The following FANCC variants were observed in gnomAD, a reference collection of about 807,000 sequenced individuals.
The protein encoded by FANCC is FA complementation group C.
FANCC carries 55 observed loss-of-function variants against 71.3 expected under a neutral mutation model. The observed-to-expected ratio is 0.77, with a 90% confidence interval of 0.62 to 0.97. The LOEUF (loss-of-function observed/expected upper bound fraction) is 0.97. Ranked by LOEUF, FANCC falls within the 50% of genes least tolerant of loss-of-function variation. The pLI, the probability that FANCC is intolerant of heterozygous loss-of-function variation, is 0.00. For synonymous variants in FANCC, 275 were observed against 244.9 expected, an observed-to-expected ratio of 1.12 and a Z score of -1.15; for missense variants, 678 against 670.9, an observed-to-expected ratio of 1.01 and a Z score of -0.12.
chr9:95,106,119 T>A (rs2071428399), intron 14 of FANCC, among the ~76,000 whole-genome samples: 1 of 152,216 alleles, frequency 6.6e-6, no homozygotes, highest in Admixed American at 6.5e-5. Context: ...CCACGCATCC[T>A]CACGGGCGTT....
chr9:95,261,390 C>G (rs568447801), intron 1 of FANCC, among the ~76,000 whole-genome samples: 1 of 152,272 alleles, frequency 6.6e-6, no homozygotes, highest in Non-Finnish European at 1.5e-5. Context: ...TACCTAAATT[C>G]ATTTCATTAC....
chr9:95,141,999 T>TC (rs1828804736), intron 7 of FANCC, among the ~76,000 whole-genome samples: 1 of 143,106 alleles, frequency 7.0e-6, no homozygotes, highest in Non-Finnish European at 1.5e-5. Flanking sequence ...TTTTTTTTTT[T>TC]TTTTTTTTTT....
At chr9:95,233,093 G>A (rs1830107782) in intron 4 of FANCC, among the ~76,000 whole-genome samples, 1 of 152,034 alleles carries the variant, frequency 6.6e-6, no homozygotes, top group South Asian at 2.1e-4. Context: ...ATGCACAGCT[G>A]GGAAATTCAG....
chr9:95,300,009 A>T (rs1834621550), intron 1 of FANCC, among the ~76,000 whole-genome samples: 1 of 152,222 alleles, frequency 6.6e-6, no homozygotes, highest in African/African-American at 2.4e-5. Flanking sequence ...TCCCAGAAGT[A>T]GGGACTTTAT....
intron 10 of FANCC, 68 bp downstream of exon 10, chr9:95,125,018 T>C: frequency 2.2e-6 from 3 of 1,370,294 alleles, no homozygotes; most frequent in Admixed American, 1.7e-5. Flanking sequence ...AAAGTGCTCT[T>C]GTCCAAAATA....
chr9:95,239,717 C>T (rs1830524313), intron 4 of FANCC, among the ~76,000 whole-genome samples: 1 of 152,146 alleles, frequency 6.6e-6, no homozygotes, highest in African/African-American at 2.4e-5. Context: ...CCCTCTCACT[C>T]CCTTCTATCT....
At chr9:95,162,701 C>T (rs1830823018) in intron 6 of FANCC, among the ~76,000 whole-genome samples, 1 of 152,154 alleles carries the variant, frequency 6.6e-6, no homozygotes, top group Admixed American at 6.5e-5. Context: ...TATCATGTCC[C>T]TGATAACTGG....
intron 7 of FANCC, among the ~76,000 whole-genome samples, chr9:95,147,933 C>T (rs1829779684): frequency 6.6e-6 from 1 of 152,160 alleles, no homozygotes; most frequent in African/African-American, 2.4e-5. Flanking sequence ...TGGCCACACA[C>T]CCAAGTGGTA....
At chr9:95,110,335 G>A (rs1259353510) in intron 13 of FANCC, 3 of 1,017,352 alleles carry the variant, frequency 2.9e-6, no homozygotes, top group East Asian at 6.7e-5. Flanking sequence ...AGCTTATTCA[G>A]AATCAAATAA....
intron 6 of FANCC, among the ~76,000 whole-genome samples, chr9:95,158,123 A>T (rs987083106): frequency 1.6e-4 from 24 of 152,164 alleles, no homozygotes; most frequent in African/African-American, 5.8e-4. Flanking sequence ...CTACCTTTCA[A>T]TTGCACAAAC....
At chr9:95,188,140 C>T (rs902767676) in intron 4 of FANCC, among the ~76,000 whole-genome samples, 15 of 152,178 alleles carry the variant, frequency 9.9e-5, no homozygotes, top group Admixed American at 2.6e-4. Context: ...AGAAAGAGGT[C>T]TTTAATGTCT....
Position 95,114,705 on chromosome 9 carries a change from G to C in FANCC, c.1078C>G (p.Pro360Ala). ...AGTGTCTGGAGCCAGTGTCCCCGAG[G>C]GATATCTGCGGGTGGAGAGAGATAC... ...MVLLQDPQDI[P>A]RGHWLQTLKH... Residue 360 changes from proline (P) to alanine (A), a missense_variant, in exon 12 of 15, where the codon CCT (proline) becomes GCT (alanine). Pro to Ala is a conservative substitution (Grantham distance 27). Transcript: ENST00000289081. The C allele has an allele frequency of 6.2e-7, 1 of 1,614,096 alleles. No homozygotes were observed.
At chr9:95,246,411 G>A (rs890522496) in intron 3 of FANCC, among the ~76,000 whole-genome samples, 1 of 152,196 alleles carries the variant, frequency 6.6e-6, no homozygotes, top group Admixed American at 6.5e-5. Flanking sequence ...GAAACTGCAT[G>A]ATTCTTTAAA....
At position 95,135,377 on chromosome 9, in the gene FANCC, C is replaced by A. The variant is rs1344154616; in HGVS notation, c.812G>T (p.Arg271Met). ...LISSERNCLR[R>M]IECFIKDSSL... ...TGAATCTTTTATAAAGCATTCGATCCTTCTCAGACAATTTCTCTCACTGGA... is the reference window on the plus strand; with the variant it reads ...TGAATCTTTTATAAAGCATTCGATCATTCTCAGACAATTTCTCTCACTGGA... Residue 271 changes from arginine to methionine, a missense_variant, in exon 8 of 15, where the codon AGG (arginine) becomes ATG (methionine). By Grantham distance (91) the Arg-to-Met change is moderately conservative. Coordinates refer to ENST00000289081, the MANE Select transcript of FANCC (RefSeq NM_000136.3). The A allele has an allele frequency of 6.2e-7, 1 of 1,614,092 alleles. No individual in the cohort carries two copies. Among genetic ancestry groups the A allele is most frequent in the Non-Finnish European group, 8.5e-7 (1 of 1,180,030 alleles).
chr9:95,298,776 T>A (rs1415553985), intron 1 of FANCC, among the ~76,000 whole-genome samples: 1 of 152,200 alleles, frequency 6.6e-6, no homozygotes, highest in Non-Finnish European at 1.5e-5. Context: ...CAAAACCAAC[T>A]GGCAAAATCA....
intron 1 of FANCC, among the ~76,000 whole-genome samples, chr9:95,295,358 A>G (rs1352868672): frequency 6.6e-6 from 1 of 151,444 alleles, no homozygotes; most frequent in East Asian, 1.9e-4. Flanking sequence ...AACAAAACAA[A>G]AAACAAAACA....
At chr9:95,255,023 T>A (rs1296546805) in intron 1 of FANCC, among the ~76,000 whole-genome samples, 1 of 152,148 alleles carries the variant, frequency 6.6e-6, no homozygotes, top group Admixed American at 6.5e-5. Flanking sequence ...CTTTCTGGGC[T>A]GGGCATCTCT....
rs988267627 is a variant in FANCC at position 95,259,120 on chromosome 9, G to T, written c.-78-9751C>A. On this transcript the variant is annotated intron_variant, in intron 1 of 14. Coordinates refer to ENST00000289081, the MANE Select transcript of FANCC (RefSeq NM_000136.3). ...CATGAAAATGGTCATACTGCCCAAAGTAATTTATAGATTCAGTGCTATCCC... is the reference window on the plus strand; with the variant it reads ...CATGAAAATGGTCATACTGCCCAAATTAATTTATAGATTCAGTGCTATCCC... Among the ~76,000 whole-genome samples the T allele has an allele frequency of 2.6e-5, 4 of 152,288 alleles. No individual in the cohort carries two copies. In the East Asian group the frequency reaches 7.7e-4, roughly 29 times the overall value.
chr9:95,225,214 G>C (rs1181698246), intron 4 of FANCC, among the ~76,000 whole-genome samples: 1 of 152,158 alleles, frequency 6.6e-6, no homozygotes, highest in Admixed American at 6.5e-5. Flanking sequence ...GCCACGTGTA[G>C]TGCAGACATC....
Sources: gnomAD v4.1 joint callset for allele counts (sites outside exome capture counted in the v4.1 genomes callset) on GRCh38, gnomAD v4.1.1 for gene constraint, MANE v1.5 for transcripts, NCBI Gene and HGNC (gene_info 2026-07-23, HGNC 2026-07-21) for gene names.